Variants in FHIT observed in about 807,000 individuals in gnomAD.
FHIT encodes bis(5'-adenosyl)-triphosphatase.
Under a neutral mutation model 17.9 loss-of-function variants are expected in FHIT, and 19 were observed. The ratio of observed to expected loss-of-function variants is 1.06; its 90% CI spans 0.74 to 1.56. FHIT has a LOEUF of 1.56. FHIT is among the 40% of genes most tolerant of loss of function. FHIT has a pLI of 0.00. For synonymous variants in FHIT, 81 were observed against 69.7 expected (o/e 1.16, Z -0.81); for missense variants, 248 against 189.2 (o/e 1.31, Z -1.82).
chr3:59,768,054 C>A (rs1232044236), intron 8 of FHIT, among the ~76,000 whole-genome samples: 1 of 152,186 alleles, frequency 6.6e-6, no homozygotes, highest in Non-Finnish European at 1.5e-5. Context: ...TTGCTTGAGT[C>A]TTCTGCCATG....
chr3:59,976,406 C>T (rs1246310861), intron 7 of FHIT, among the ~76,000 whole-genome samples: 1 of 151,984 alleles, frequency 6.6e-6, no homozygotes, highest in Non-Finnish European at 1.5e-5. Context: ...AAAACACAAA[C>T]AAACAAACAA....
At chr3:60,526,488 G>A (rs182413721) in intron 5 of FHIT, among the ~76,000 whole-genome samples, 1 of 152,204 alleles carries the variant, frequency 6.6e-6, no homozygotes, top group Admixed American at 6.5e-5. Context: ...GACCTGCTGA[G>A]GTTGGTGCTT....
rs114225386 is a variant in FHIT, at chr3:60,981,941, C to G, written c.-111+60106G>C. Among the ~76,000 whole-genome samples, 193 of 152,254 alleles carry G rather than the reference C, an allele frequency of 1.3e-3. 1 individual carries two copies. Among genetic ancestry groups the G allele is most frequent in the African/African-American group, 4.5e-3 (188 of 41,554 alleles). ...CATAAGAAAGACGTGTCAATTTTAC[C>G]TACAAAACATCCCTCGAGTCCTCCC... is the stretch of plus-strand genomic sequence containing the variant. On this transcript the variant is annotated intron_variant, in intron 3 of 9. Coordinates refer to ENST00000492590, the MANE Select transcript of FHIT (RefSeq NM_002012.4).
At chr3:60,849,331 G>A (rs1387809960) in intron 3 of FHIT, among the ~76,000 whole-genome samples, 2 of 151,482 alleles carry the variant, frequency 1.3e-5, no homozygotes, top group African/African-American at 4.9e-5. Flanking sequence ...ATTTAGGATT[G>A]TTGTCAATTC....
intron 8 of FHIT, among the ~76,000 whole-genome samples, chr3:59,892,720 T>G (rs1035116325): frequency 1.3e-5 from 2 of 152,168 alleles, no homozygotes; most frequent in African/African-American, 4.8e-5. Context: ...TAATGTTGTA[T>G]GTCATAAAAA....
At chr3:61,245,343 G>C (rs2040464378) in intron 1 of FHIT, among the ~76,000 whole-genome samples, 1 of 152,140 alleles carries the variant, frequency 6.6e-6, no homozygotes, top group Non-Finnish European at 1.5e-5. Flanking sequence ...ACTTTCCCCA[G>C]AGTCACACAC....
intron 3 of FHIT, among the ~76,000 whole-genome samples, chr3:61,009,179 G>C (rs761338912): frequency 2.0e-5 from 3 of 152,166 alleles, no homozygotes; most frequent in Non-Finnish European, 4.4e-5. Context: ...AATAGACTGG[G>C]TCCCATTGTG....
chr3:60,612,553 G>T (rs560568216), intron 4 of FHIT, among the ~76,000 whole-genome samples: 12 of 152,292 alleles, frequency 7.9e-5, no homozygotes, highest in African/African-American at 2.9e-4. Flanking sequence ...AGGGGAAAAG[G>T]TATATCTATT....
At chr3:60,736,496 T>C (rs2042135759) in intron 4 of FHIT, among the ~76,000 whole-genome samples, 1 of 152,184 alleles carries the variant, frequency 6.6e-6, no homozygotes, top group Admixed American at 6.5e-5. Context: ...TCTCACAACA[T>C]GGATGAGCCT....
chr3:60,803,494 A>G (rs1370984683), intron 4 of FHIT, among the ~76,000 whole-genome samples: 2 of 152,208 alleles, frequency 1.3e-5, no homozygotes, highest in Non-Finnish European at 2.9e-5. Flanking sequence ...CTGCAGTGAT[A>G]ATCCCTTAAG....
chr3:60,699,484 T>C (rs1289909717), intron 4 of FHIT, among the ~76,000 whole-genome samples: 2 of 152,212 alleles, frequency 1.3e-5, no homozygotes, highest in African/African-American at 4.8e-5. Flanking sequence ...CTGAGAGTTT[T>C]ACTGGTGTTT....
Position 60,295,650 on chromosome 3 carries a change from G to A in FHIT, c.103+241210C>T, listed in dbSNP as rs139860304. Among the ~76,000 whole-genome samples, 153 of 152,224 alleles carry A rather than the reference G, an allele frequency of 1.0e-3. 1 individual carries two copies. Among genetic ancestry groups the A allele is most frequent in the African/African-American group, 2.3e-3 (96 of 41,564 alleles). On this transcript the variant is annotated intron_variant, in intron 5 of 9. Transcript: ENST00000492590. ...CTAACAGTGGGGATCAAATTTTGAC[G>A]TGAGGATTGGAGGCTATTCAAACTG...
rs577860030 is a variant in FHIT at position 60,086,045 on chromosome 3, C to T, written c.104-71893G>A. Among the ~76,000 whole-genome samples the T allele has an allele frequency of 4.9e-4, 74 of 152,262 alleles. 1 individual carries two copies. The highest frequency in any genetic ancestry group is 1.1e-3 in the African/African-American group (44 of 41,556). On this transcript the variant is annotated intron_variant, in intron 5 of 9. Transcript: ENST00000492590. The stretch of plus-strand genomic sequence containing the variant: ...TGGAAAGTTCAAGATTGGGTATCTG[C>T]ATCTGGTGAGGGCCTCAGGCTTCTT...
chr3:60,682,977 T>G (rs1476658091), intron 4 of FHIT, among the ~76,000 whole-genome samples: 1 of 152,146 alleles, frequency 6.6e-6, no homozygotes, highest in Non-Finnish European at 1.5e-5. Context: ...GGTTCAAGAC[T>G]TCAGTGGAGG....
intron 4 of FHIT, among the ~76,000 whole-genome samples, chr3:60,711,532 A>AC (rs555877827): frequency 6.2e-4 from 94 of 152,304 alleles, no homozygotes; most frequent in African/African-American, 2.2e-3. Context: ...TTTGAAAAAA[A>AC]TTTAGACAAA....
intron 4 of FHIT, among the ~76,000 whole-genome samples, chr3:60,611,970 C>T (rs1410065478): frequency 6.6e-6 from 1 of 152,136 alleles, no homozygotes; most frequent in African/African-American, 2.4e-5. Flanking sequence ...GATACTGTCA[C>T]TGTTCTGCTC....
intron 8 of FHIT, among the ~76,000 whole-genome samples, chr3:59,904,403 A>G (rs1268051049): frequency 1.3e-5 from 2 of 152,160 alleles, no homozygotes; most frequent in East Asian, 3.9e-4. Context: ...AAGTTGCATC[A>G]AAATCTTCCA....
chr3:59,995,899 C>G (rs73842450), intron 7 of FHIT, among the ~76,000 whole-genome samples: 1,640 of 152,220 alleles, frequency 0.011, 42 homozygotes, highest in African/African-American at 0.038. Flanking sequence ...TCCATTTCAT[C>G]TCTTCTCCAG....
At chr3:60,145,293 A>G (rs1700195016) in intron 5 of FHIT, among the ~76,000 whole-genome samples, 1 of 152,326 alleles carries the variant, frequency 6.6e-6, no homozygotes, top group East Asian at 1.9e-4. Context: ...CCTCAAAGAG[A>G]TAACAGATTC....
Sources: allele counts gnomAD v4.1 joint callset (sites outside exome capture counted in the v4.1 genomes callset), GRCh38; gene constraint gnomAD v4.1.1; transcripts MANE v1.5; gene names NCBI Gene and HGNC (gene_info 2026-07-23, HGNC 2026-07-21).